Variants in OR52K1 observed in about 807,000 individuals in gnomAD.
OR52K1 encodes olfactory receptor family 52 subfamily K member 1.
In OR52K1, 10 loss-of-function variants were observed where a neutral mutation model predicts 8.7. The ratio of observed to expected loss-of-function variants is 1.15; its 90% CI spans 0.71 to 1.95. The LOEUF is 1.95. OR52K1 is among the 30% of genes most tolerant of loss of function. The pLI is 0.00. For missense variants in OR52K1, 431 were observed against 397.2 expected, an observed-to-expected ratio of 1.08 and a Z score of -0.72; for synonymous variants, 203 against 148.5, an observed-to-expected ratio of 1.37 and a Z score of -2.67.
chr11:4,490,575 A>G lies in OR52K1; in HGVS notation c.*730A>G, dbSNP rs1329714983. The stretch of plus-strand genomic sequence containing the variant: ...TTAAATGAACGGATAGAAGAGCTGA[A>G]TACTATCTTTGAACTATGAACCATG... On this transcript the variant is annotated 3_prime_UTR_variant, in exon 2 of 2. Transcript: ENST00000641528. 1 of 152,250 alleles carries G rather than the reference A, an allele frequency of 6.6e-6. No individual in the cohort carries two copies. The highest frequency in any genetic ancestry group is 2.4e-5 in the African/African-American group (1 of 41,462). 9.4% of individuals were successfully genotyped at this position (152,250 alleles called of 1,614,324 possible).
chr11:4,489,533 G>A lies in OR52K1; in HGVS notation c.633G>A (p.Leu211=). The A allele has an allele frequency of 3.7e-6, 6 of 1,614,228 alleles. No individual in the cohort carries two copies. Among genetic ancestry groups the A allele is most frequent in the Non-Finnish European group, 5.1e-6 (6 of 1,180,028 alleles). ...CTGTGGCCATGTTTATTGTGGTGTT[G>A]GACCTGCTCTTTGTTATCCTGTCTT... ...GIAVAMFIVV[L]DLLFVILSYV... The change falls in exon 2 of 2, where the codon TTG becomes TTA. Residue 211 remains leucine, a synonymous_variant. Coordinates refer to ENST00000641528, the MANE Select transcript of OR52K1 (RefSeq NM_001005171.3).
Position 4,489,427 on chromosome 11 carries a change from T to C in OR52K1, c.527T>C (p.Ile176Thr). 1.2e-6 allele frequency: 2 copies of C among 1,614,228 alleles called. 1 individual carries two copies. Among genetic ancestry groups the C allele is most frequent in the South Asian group, 2.2e-5 (2 of 91,086 alleles). ...TTCCACTACTGCCGAGGCCCAGTGA[T>C]TGCCCATTGCTACTGTGAACACATG... Reference protein sequence around the residue: ...RRFHYCRGPVIAHCYCEHMAV... With the variant: ...RRFHYCRGPVTAHCYCEHMAV... The change falls in exon 2 of 2, where the codon ATT (isoleucine) becomes ACT (threonine). Residue 176 changes from isoleucine (I) to threonine (T), a missense_variant. By Grantham distance (89) the Ile-to-Thr change is moderately conservative. Transcript: ENST00000641528.
chr11:4,489,442 G>A lies in OR52K1; in HGVS notation c.542G>A (p.Cys181Tyr). The change falls in exon 2 of 2, where the codon TGT becomes TAT. Residue 181 changes from cysteine (C) to tyrosine (Y), a missense_variant. By Grantham distance (194) the Cys-to-Tyr change is radical. Coordinates refer to ENST00000641528, the MANE Select transcript of OR52K1 (RefSeq NM_001005171.3). ...GGCCCAGTGATTGCCCATTGCTACT[G>A]TGAACACATGGCTGTGGTAAGGCTG... is the stretch of plus-strand genomic sequence containing the variant. ...CRGPVIAHCY[C>Y]EHMAVVRLAC... 1.2e-6 allele frequency: 2 copies of A among 1,614,234 alleles called. No individual in the cohort carries two copies. Among genetic ancestry groups the A allele is most frequent in the Non-Finnish European group, 1.7e-6 (2 of 1,180,040 alleles).
chr11:4,492,870 T>C lies in OR52K1; in HGVS notation c.*3025T>C. 1 of 194,788 alleles carries C rather than the reference T, an allele frequency of 5.1e-6. No individual in the cohort carries two copies. Among genetic ancestry groups the C allele is most frequent in the South Asian group, 1.0e-4 (1 of 9,698 alleles). 12.1% of individuals were successfully genotyped at this position (194,788 alleles called of 1,614,324 possible). ...GCCTGGGGGACCAGTACCACCAAGA[T>C]GCAGAGACCGGTAGTGGCCCCGAAT... is the stretch of plus-strand genomic sequence containing the variant. On this transcript the variant is annotated 3_prime_UTR_variant, in exon 2 of 2. Transcript: ENST00000641528.
Position 4,489,940 on chromosome 11 carries a change from T to A in OR52K1, c.*95T>A. On this transcript the variant is annotated 3_prime_UTR_variant, in exon 2 of 2. Transcript: ENST00000641528. ...ATCTAAATAGGAAAATTGCAGAGTA[T>A]CTTTGACAATTCTCTAGTATGATAA... is the stretch of plus-strand genomic sequence containing the variant. 5 of 852,074 alleles carry A rather than the reference T, an allele frequency of 5.9e-6. No homozygotes were observed. In the Admixed American group the frequency reaches 1.2e-4, roughly 20 times the overall value. The allele number at this position is 852,074 out of a possible 1,614,324, so 52.8% of individuals were successfully genotyped here. A position where few individuals can be genotyped will look rare whatever the true frequency, so the allele number is the denominator to read the frequency against.
chr11:4,488,718 A>C lies in OR52K1; in HGVS notation c.-183A>C, dbSNP rs757238509. The C allele has an allele frequency of 1.7e-6, 1 of 584,404 alleles. No homozygotes were observed. The highest frequency in any genetic ancestry group is 3.0e-6 in the Non-Finnish European group (1 of 329,784). The allele number at this position is 584,404 out of a possible 1,614,324, so 36.2% of individuals were successfully genotyped here. A position where few individuals can be genotyped will look rare whatever the true frequency, so the allele number is the denominator to read the frequency against. Reference sequence around the variant, plus strand: ...ATTTCTTTGAGGGTAGAAAATATGGATTATACTTCTCCATGTCTATGAAGG... The same window carrying C: ...ATTTCTTTGAGGGTAGAAAATATGGCTTATACTTCTCCATGTCTATGAAGG... On this transcript the variant is annotated 5_prime_UTR_variant, in exon 2 of 2. Transcript: ENST00000641528.
At position 4,492,856 on chromosome 11, in the gene OR52K1, C is replaced by A. The variant is rs559029998; in HGVS notation, c.*3011C>A. On this transcript the variant is annotated 3_prime_UTR_variant, in exon 2 of 2. Transcript: ENST00000641528. The stretch of plus-strand genomic sequence containing the variant: ...GAAAAGACAGCTGGGCCTGGGGGAC[C>A]AGTACCACCAAGATGCAGAGACCGG... The A allele has an allele frequency of 2.6e-5, 5 of 189,900 alleles. No individual in the cohort carries two copies. The highest frequency in any genetic ancestry group is 1.2e-4 in the South Asian group (1 of 8,510). The allele number at this position is 189,900 out of a possible 1,614,324, so 11.8% of individuals were successfully genotyped here.
At position 4,489,037 on chromosome 11, in the gene OR52K1, C is replaced by T. The variant is rs530624061; in HGVS notation, c.137C>T (p.Thr46Ile). Reference protein sequence around the residue: ...AYTLALLGNCTLLFIIQADAA... With the variant: ...AYTLALLGNCILLFIIQADAA... ...ACTCTGGCCCTGCTAGGCAACTGTA[C>T]CCTTCTCTTCATTATCCAGGCTGAT... Residue 46 changes from threonine to isoleucine, a missense_variant, in exon 2 of 2, where the codon ACC (threonine) becomes ATC (isoleucine). Coordinates refer to ENST00000641528, the MANE Select transcript of OR52K1 (RefSeq NM_001005171.3). 3 of 1,614,122 alleles carry T rather than the reference C, an allele frequency of 1.9e-6. No individual in the cohort carries two copies. The highest frequency in any genetic ancestry group is 1.3e-5 in the African/African-American group (1 of 75,040).
Position 4,492,302 on chromosome 11 carries a change from T to G in OR52K1, c.*2457T>G, listed in dbSNP as rs1440103796. On this transcript the variant is annotated 3_prime_UTR_variant, in exon 2 of 2. Coordinates refer to ENST00000641528, the MANE Select transcript of OR52K1 (RefSeq NM_001005171.3). The stretch of plus-strand genomic sequence containing the variant: ...AAAAAAATAAACTTTAAAATATGGC[T>G]GGAAAGCTTATCTTTCATTCTTTCC... 6.6e-6 allele frequency: 1 copy of G among 152,076 alleles called. No homozygotes were observed. Among genetic ancestry groups the G allele is most frequent in the Non-Finnish European group, 1.5e-5 (1 of 68,012 alleles). The allele number at this position is 152,076 out of a possible 1,614,324, so 9.4% of individuals were successfully genotyped here.
In OR52K1 at chr11:4,489,809, G is replaced by A. The variant is rs540359247; in HGVS notation, c.909G>A (p.Glu303=). The A allele has an allele frequency of 6.2e-7, 1 of 1,612,896 alleles. No individual in the cohort carries two copies. The highest frequency in any genetic ancestry group is 1.7e-5 in the Admixed American group (1 of 59,990). Residue 303 remains glutamate (E), a synonymous_variant, in exon 2 of 2, where the codon GAG becomes GAA. Coordinates refer to ENST00000641528, the MANE Select transcript of OR52K1 (RefSeq NM_001005171.3). ...IYGVKTKQIR[E]YVLSLFQRKN... is the part of the protein sequence containing the mutation. ...GAGTCAAGACCAAGCAGATTCGTGAGTATGTGCTCAGTCTATTCCAGAGAA... is the reference window on the plus strand; with the variant it reads ...GAGTCAAGACCAAGCAGATTCGTGAATATGTGCTCAGTCTATTCCAGAGAA...
Position 4,489,224 on chromosome 11 carries a change from C to T in OR52K1, c.324C>T (p.Ser108=), listed in dbSNP as rs757354444. The change falls in exon 2 of 2, where the codon TCC becomes TCT. Residue 108 remains serine, a synonymous_variant. Coordinates refer to ENST00000641528, the MANE Select transcript of OR52K1 (RefSeq NM_001005171.3). The stretch of plus-strand genomic sequence containing the variant: ...TGGTCCAGATGTTCTTCCTTCACTC[C>T]TTCTCCATCATGGAGTCAGCAGTGC... ...ACLVQMFFLH[S]FSIMESAVLL... is the part of the protein sequence containing the mutation. 9.9e-6 allele frequency: 16 copies of T among 1,614,030 alleles called. 1 individual carries two copies. The South Asian group carries it at 1.6e-4, about 17-fold the overall frequency.
chr11:4,487,417 G>C (rs1474786352), intron 1 of OR52K1, among the ~76,000 whole-genome samples: 1 of 152,146 alleles, frequency 6.6e-6, no homozygotes, highest in East Asian at 1.9e-4. Context: ...AAACAAACTA[G>C]TACATAAGTG....
rs1218428366 is a variant in OR52K1, at chr11:4,490,865, C to T, written c.*1020C>T. On this transcript the variant is annotated 3_prime_UTR_variant, in exon 2 of 2. Coordinates refer to ENST00000641528, the MANE Select transcript of OR52K1 (RefSeq NM_001005171.3). ...TCACCCAAGTATTAAGCCTAGTATT[C>T]ATTAGCTATTTTTCTGTTTAAATAC... 1 of 152,150 alleles carries T rather than the reference C, an allele frequency of 6.6e-6. No individual in the cohort carries two copies. Among genetic ancestry groups the T allele is most frequent in the Non-Finnish European group, 1.5e-5 (1 of 68,012 alleles). 9.4% of individuals were successfully genotyped at this position (152,150 alleles called of 1,614,324 possible).
At chr11:4,487,105 T>C (rs1846326976) in intron 1 of OR52K1, among the ~76,000 whole-genome samples, 1 of 152,168 alleles carries the variant, frequency 6.6e-6, no homozygotes, top group South Asian at 2.1e-4. Context: ...GGGAATAAAA[T>C]CCAGATTGAT....
chr11:4,486,857 A>G (rs1846324842), intron 1 of OR52K1, among the ~76,000 whole-genome samples: 1 of 152,212 alleles, frequency 6.6e-6, no homozygotes, highest in South Asian at 2.1e-4. Flanking sequence ...ATGCTTGAGA[A>G]CTGTAGAAAT....
chr11:4,489,967 G>A lies in OR52K1; in HGVS notation c.*122G>A. 1 of 727,154 alleles carries A rather than the reference G, an allele frequency of 1.4e-6. No homozygotes were observed. Among genetic ancestry groups the A allele is most frequent in the Non-Finnish European group, 2.3e-6 (1 of 441,066 alleles). 45.0% of individuals were successfully genotyped at this position (727,154 alleles called of 1,614,324 possible). Reference sequence around the variant, plus strand: ...TTTGACAATTCTCTAGTATGATAAGGAAAATGAGGTTTCATTCCTCACAGA... The same window carrying A: ...TTTGACAATTCTCTAGTATGATAAGAAAAATGAGGTTTCATTCCTCACAGA... On this transcript the variant is annotated 3_prime_UTR_variant, in exon 2 of 2. Coordinates refer to ENST00000641528, the MANE Select transcript of OR52K1 (RefSeq NM_001005171.3).
rs1256127711 is a variant in OR52K1, at chr11:4,492,631, TTA to T, written c.*2788_*2789del. On this transcript the variant is annotated 3_prime_UTR_variant, in exon 2 of 2. Coordinates refer to ENST00000641528, the MANE Select transcript of OR52K1 (RefSeq NM_001005171.3). ...AGTCTTCTTACAGCATATCATAAAA[TTA>T]TTTCACTTATCTCTGCTTTTGTCTT... The T allele has an allele frequency of 1.3e-5, 2 of 152,170 alleles. No homozygotes were observed. Among genetic ancestry groups the T allele is most frequent in the Non-Finnish European group, 2.9e-5 (2 of 68,022 alleles). 9.4% of individuals were successfully genotyped at this position (152,170 alleles called of 1,614,324 possible).
intron 1 of OR52K1, among the ~76,000 whole-genome samples, chr11:4,484,825 A>AACACACACACACACACACAC (rs1429995858): frequency 2.3e-5 from 3 of 131,880 alleles, no homozygotes; most frequent in African/African-American, 8.4e-5. Context: ...TCTGTTCTAA[A>AACACACACACACACACACAC]ACACACAGAC....
At position 4,491,733 on chromosome 11, in the gene OR52K1, TGA is replaced by T; in HGVS notation, c.*1891_*1892del. ...TCACTTATAAGTGGGAACTAAACAA[TGA>T]GAACACATGGACACAAAGAGGAGCA... On this transcript the variant is annotated 3_prime_UTR_variant, in exon 2 of 2. Coordinates refer to ENST00000641528, the MANE Select transcript of OR52K1 (RefSeq NM_001005171.3). 6.6e-6 allele frequency: 1 copy of T among 151,838 alleles called. No individual in the cohort carries two copies. The highest frequency in any genetic ancestry group is 3.4e-3 in the Middle Eastern group (1 of 294). The allele number at this position is 151,838 out of a possible 1,614,324, so 9.4% of individuals were successfully genotyped here.
Sources: allele counts gnomAD v4.1 joint callset (sites outside exome capture counted in the v4.1 genomes callset), GRCh38; gene constraint gnomAD v4.1.1; transcripts MANE v1.5; gene names NCBI Gene and HGNC (gene_info 2026-07-23, HGNC 2026-07-21).